Variants in FSTL4 observed in about 807,000 individuals in gnomAD.
FSTL4 encodes follistatin-related protein 4.
A neutral mutation model predicts 78.2 loss-of-function variants in FSTL4; 28 were observed. That is an observed-to-expected ratio of 0.36 (90% CI 0.27 to 0.49). FSTL4 has a LOEUF of 0.49. Ranked by LOEUF, FSTL4 falls within the 20% of genes least tolerant of loss-of-function variation. The probability of loss-of-function intolerance (pLI) is 0.98; values close to 1 mark genes in which losing one functional copy is unlikely to be tolerated. For synonymous variants in FSTL4, 422 were observed against 440.5 expected, an observed-to-expected ratio of 0.96 and a Z score of 0.53; for missense variants, 922 against 1,084.9, an observed-to-expected ratio of 0.85 and a Z score of 2.11.
chr5:133,634,536 C>T, the FSTL4 span, among the ~76,000 whole-genome samples: 1 of 152,100 alleles, frequency 6.6e-6, no homozygotes, highest in African/African-American at 2.4e-5. Context: ...ATGAGTCTGA[C>T]TTCTTCTCCT....
chr5:133,668,296 G>A, the FSTL4 span, among the ~76,000 whole-genome samples: 1 of 152,106 alleles, frequency 6.6e-6, no homozygotes, highest in Non-Finnish European at 1.5e-5. Flanking sequence ...GGGGTCAGGG[G>A]GTATGGGTGA....
At chr5:133,409,451 C>T (rs992446216) in intron 3 of FSTL4, among the ~76,000 whole-genome samples, 1 of 152,212 alleles carries the variant, frequency 6.6e-6, no homozygotes, top group Non-Finnish European at 1.5e-5. Flanking sequence ...AGTGAAGCTA[C>T]CTGACTCACC....
intron 7 of FSTL4, among the ~76,000 whole-genome samples, chr5:133,240,138 G>A (rs987723156): frequency 2.0e-5 from 3 of 152,276 alleles, no homozygotes; most frequent in African/African-American, 4.8e-5. Context: ...TGAAGCCAGC[G>A]AGACCACGAA....
chr5:133,556,262 T>G (rs528030536), intron 3 of FSTL4, among the ~76,000 whole-genome samples: 11 of 152,360 alleles, frequency 7.2e-5, no homozygotes, highest in African/African-American at 2.4e-4. Context: ...TTTTTTAAAT[T>G]TACAAAATAA....
At chr5:133,836,217 C>G in the FSTL4 span, among the ~76,000 whole-genome samples, 1 of 151,996 alleles carries the variant, frequency 6.6e-6, no homozygotes, top group Admixed American at 6.6e-5. Context: ...TGTTTAATTT[C>G]CAGTTGTCCT....
At chr5:133,330,464 A>G (rs1333532994) in intron 4 of FSTL4, among the ~76,000 whole-genome samples, 1 of 152,104 alleles carries the variant, frequency 6.6e-6, no homozygotes, top group Non-Finnish European at 1.5e-5. Context: ...ACCCTTTTAA[A>G]CAACCAGATC....
rs73283637 is a variant in FSTL4 at position 133,481,064 on chromosome 5, T to C, written c.161-80078A>G. Among the ~76,000 whole-genome samples, 686 of 152,266 alleles carry C rather than the reference T, an allele frequency of 4.5e-3. 4 individuals carry two copies. Among genetic ancestry groups the C allele is most frequent in the African/African-American group, 0.016 (660 of 41,560 alleles). On this transcript the variant is annotated intron_variant, in intron 3 of 15. Coordinates refer to ENST00000265342, the MANE Select transcript of FSTL4 (RefSeq NM_015082.2). Reference sequence around the variant, plus strand: ...GAAGGGACCGTGGCTGTTGGCCTAATAAGCCCTAACAAGCTAGCCTGCCAG... The same window carrying C: ...GAAGGGACCGTGGCTGTTGGCCTAACAAGCCCTAACAAGCTAGCCTGCCAG...
intron 3 of FSTL4, among the ~76,000 whole-genome samples, chr5:133,408,157 G>A (rs1457511600): frequency 5.9e-5 from 9 of 152,178 alleles, no homozygotes; most frequent in Admixed American, 5.9e-4. Context: ...GAACAAAGAC[G>A]TAACCCTCTA....
the FSTL4 span, among the ~76,000 whole-genome samples, chr5:133,697,054 G>A: frequency 6.6e-6 from 1 of 152,230 alleles, no homozygotes. Flanking sequence ...TGAGTGGAGG[G>A]TAGGGGGAGG....
chr5:133,623,311 A>G, the FSTL4 span, among the ~76,000 whole-genome samples: 1 of 152,116 alleles, frequency 6.6e-6, no homozygotes, highest in East Asian at 1.9e-4. Context: ...ACAGACATAT[A>G]GACCAATGGA....
the FSTL4 span, among the ~76,000 whole-genome samples, chr5:133,669,115 C>T: frequency 6.6e-6 from 1 of 152,194 alleles, no homozygotes; most frequent in Admixed American, 6.5e-5. Context: ...TTAGGGAACA[C>T]CAGAAAAATC....
At chr5:133,547,929 A>G (rs1218492225) in intron 3 of FSTL4, among the ~76,000 whole-genome samples, 1 of 152,356 alleles carries the variant, frequency 6.6e-6, no homozygotes, top group Admixed American at 6.5e-5. Context: ...CCGGCCAATC[A>G]TTAAAGTGAT....
chr5:133,272,283 G>A (rs1343224148), intron 6 of FSTL4, among the ~76,000 whole-genome samples: 2 of 152,222 alleles, frequency 1.3e-5, no homozygotes, highest in Non-Finnish European at 2.9e-5. Flanking sequence ...ATGAGTGTTT[G>A]CCAAGAAGCA....
chr5:133,687,561 C>G, the FSTL4 span, among the ~76,000 whole-genome samples: 33 of 152,196 alleles, frequency 2.2e-4, no homozygotes, highest in Non-Finnish European at 4.3e-4. Context: ...TCATTGCACA[C>G]TGGAAGGGCT....
At chr5:133,387,515 G>C (rs578187735) in intron 4 of FSTL4, among the ~76,000 whole-genome samples, 1 of 152,176 alleles carries the variant, frequency 6.6e-6, no homozygotes, top group African/African-American at 2.4e-5. Context: ...ATTGCCTTGG[G>C]GGTTGAACTT....
intron 3 of FSTL4, among the ~76,000 whole-genome samples, chr5:133,491,862 T>C (rs987946911): frequency 2.0e-5 from 3 of 152,240 alleles, no homozygotes; most frequent in Non-Finnish European, 4.4e-5. Flanking sequence ...TCCAATCCAC[T>C]AAAACATATT....
chr5:133,431,294 T>C (rs541742018), intron 3 of FSTL4, among the ~76,000 whole-genome samples: 1 of 152,320 alleles, frequency 6.6e-6, no homozygotes, highest in East Asian at 1.9e-4. Flanking sequence ...CTCTGAGACG[T>C]AGAGTACAAT....
At chr5:133,502,831 C>A (rs1048376595) in intron 3 of FSTL4, among the ~76,000 whole-genome samples, 1 of 152,148 alleles carries the variant, frequency 6.6e-6, no homozygotes. Context: ...TCAGGTATTT[C>A]TTTATAGCAC....
At chr5:133,436,127 A>G (rs1757027337) in intron 3 of FSTL4, among the ~76,000 whole-genome samples, 1 of 152,242 alleles carries the variant, frequency 6.6e-6, no homozygotes, top group Non-Finnish European at 1.5e-5. Context: ...AGTATAGTAT[A>G]AAAGACAGAC....
Sources: allele counts gnomAD v4.1 joint callset (sites outside exome capture counted in the v4.1 genomes callset), GRCh38; gene constraint gnomAD v4.1.1; transcripts MANE v1.5; gene names NCBI Gene and HGNC (gene_info 2026-07-23, HGNC 2026-07-21).